The following MIA2 variants were observed in gnomAD, a reference collection of about 807,000 sequenced individuals.
MIA2 encodes melanoma inhibitory activity protein 2.
In MIA2, 127 loss-of-function variants were observed where a neutral mutation model predicts 167.8. The observed-to-expected ratio is 0.76, with a 90% CI of 0.66 to 0.88. The LOEUF (loss-of-function observed/expected upper bound fraction) is 0.88. MIA2 is among the 40% of genes least tolerant of loss of function. The pLI is 0.00. For synonymous variants in MIA2, 552 were observed against 541.9 expected (o/e 1.02, Z -0.26); for missense variants, 1,690 against 1,624.7 (o/e 1.04, Z -0.69).
intron 6 of MIA2, chr14:39,265,981 C>G (rs771993929): frequency 1.5e-5 from 15 of 985,384 alleles, no homozygotes; most frequent in Non-Finnish European, 1.8e-5. Flanking sequence ...GGAGAAATAG[C>G]AATCTTGAGT....
intron 23 of MIA2, among the ~76,000 whole-genome samples, chr14:39,363,796 C>T (rs1462733921): frequency 4.6e-5 from 7 of 152,138 alleles, no homozygotes; most frequent in African/African-American, 1.7e-4. Context: ...CTGTGTTTGA[C>T]TTAAAGTCTG....
intron 9 of MIA2, among the ~76,000 whole-genome samples, chr14:39,282,726 A>G (rs2059123686): frequency 6.6e-6 from 1 of 152,116 alleles, no homozygotes; most frequent in Non-Finnish European, 1.5e-5. Flanking sequence ...GGCACATGAT[A>G]CATGCTTGCC....
At chr14:39,386,428 A>G in intron 23 of MIA2, 4 of 1,552,808 alleles carry the variant, frequency 2.6e-6, no homozygotes, top group Non-Finnish European at 3.6e-6. Context: ...GGCTGTTTCT[A>G]GCAGAACCTT....
At chr14:39,325,974 A>T (rs2067467193) in intron 24 of MIA2, among the ~76,000 whole-genome samples, 1 of 152,158 alleles carries the variant, frequency 6.6e-6, no homozygotes, top group African/African-American at 2.4e-5. Context: ...TCGACCTCCC[A>T]AAGTGCTGGG....
chr14:39,354,673 C>G (rs926043197), downstream of MIA2, among the ~76,000 whole-genome samples: 10 of 152,078 alleles, frequency 6.6e-5, no homozygotes, highest in Non-Finnish European at 7.4e-5. Context: ...AGGTTTTCTT[C>G]TAGGGTTTTT....
downstream of MIA2, among the ~76,000 whole-genome samples, chr14:39,351,901 C>G (rs976557607): frequency 2.0e-5 from 3 of 152,188 alleles, no homozygotes; most frequent in Non-Finnish European, 4.4e-5. Flanking sequence ...GCCACCGCGC[C>G]TGGCCAGTTT....
chr14:39,271,274 T>C (rs2057096474), intron 6 of MIA2, among the ~76,000 whole-genome samples: 2 of 152,198 alleles, frequency 1.3e-5, no homozygotes, highest in Admixed American at 6.5e-5. Context: ...TACCATAAAT[T>C]TAAGGGTTTA....
At chr14:39,383,276 G>T (rs2075205372) in intron 23 of MIA2, among the ~76,000 whole-genome samples, 1 of 152,010 alleles carries the variant, frequency 6.6e-6, no homozygotes, top group South Asian at 2.1e-4. Context: ...TGACACTTTG[G>T]TAACTCTCAT....
intron 18 of MIA2, among the ~76,000 whole-genome samples, chr14:39,308,971 TC>T (rs1402185735): frequency 6.6e-5 from 10 of 152,334 alleles, no homozygotes; most frequent in South Asian, 4.1e-4. Flanking sequence ...GCCCAGGTGT[TC>T]CTTGGCTTAG....
chr14:39,379,557 A>AATGAGAAGGAT, intron 23 of MIA2, among the ~76,000 whole-genome samples: 1 of 152,112 alleles, frequency 6.6e-6, no homozygotes, highest in East Asian at 1.9e-4. Flanking sequence ...ACATTTAGAT[A>AATGAGAAGGAT]ACTTGCAAGC....
chr14:39,349,530 G>C (rs141114097), intron 28 of MIA2, among the ~76,000 whole-genome samples: 2 of 152,240 alleles, frequency 1.3e-5, no homozygotes, highest in Admixed American at 6.5e-5. Flanking sequence ...TGAACTATAG[G>C]GTTCTGCAGA....
intron 18 of MIA2, among the ~76,000 whole-genome samples, chr14:39,311,264 A>G (rs1352009290): frequency 1.7e-5 from 2 of 115,890 alleles, no homozygotes; most frequent in African/African-American, 5.9e-5. Flanking sequence ...AATTCAATGA[A>G]TTATGCCATT....
chr14:39,343,315 T>G (rs1161287432), intron 25 of MIA2, among the ~76,000 whole-genome samples: 2 of 152,074 alleles, frequency 1.3e-5, no homozygotes, highest in Non-Finnish European at 2.9e-5. Flanking sequence ...TGGCTAATTT[T>G]TTTGTGTTTT....
intron 3 of MIA2, 125 bp downstream of exon 3, chr14:39,240,772 G>T: frequency 1.7e-6 from 1 of 583,556 alleles, no homozygotes; most frequent in Non-Finnish European, 3.0e-6. Context: ...GTTGGCCTGA[G>T]AACTTACTCT....
chr14:39,247,751 G>A lies in MIA2; in HGVS notation c.1177G>A (p.Asp393Asn). 1 of 1,613,482 alleles carries A rather than the reference G, an allele frequency of 6.2e-7. No homozygotes were observed. The highest frequency in any genetic ancestry group is 1.1e-5 in the South Asian group (1 of 90,862). The change falls in exon 4 of 29, where the codon GAT becomes AAT. Residue 393 changes from aspartate to asparagine, a missense_variant. By Grantham distance (23) the Asp-to-Asn change is conservative. Transcript: ENST00000640607. ...AILGFAYAKEDKIMLDDRKNE... is the reference protein window; with the variant it reads ...AILGFAYAKENKIMLDDRKNE... ...ACTAGGCTTTGCATATGCCAAGGAA[G>A]ATAAAATTATGTTAGATGACAGGAA...
At chr14:39,383,506 A>G (rs898046306) in intron 23 of MIA2, among the ~76,000 whole-genome samples, 2 of 152,138 alleles carry the variant, frequency 1.3e-5, no homozygotes, top group Admixed American at 6.5e-5. Context: ...TAGGCCTATG[A>G]CTAACCCTAC....
At chr14:39,387,889 G>T (rs2075293575) in exon 24 of MIA2, 1 of 151,896 alleles carries the variant, frequency 6.6e-6, no homozygotes, top group Non-Finnish European at 1.5e-5. Flanking sequence ...TGAAGGCTCA[G>T]ATTATTATTA....
At chr14:39,344,699 C>T (rs923182818) in intron 25 of MIA2, among the ~76,000 whole-genome samples, 15 of 152,116 alleles carry the variant, frequency 9.9e-5, no homozygotes, top group East Asian at 5.8e-4. Context: ...GGGTTGTTTA[C>T]GTATATCTGT....
At chr14:39,364,729 T>TTTTTG (rs909257698) in intron 23 of MIA2, among the ~76,000 whole-genome samples, 9 of 145,872 alleles carry the variant, frequency 6.2e-5, no homozygotes, top group East Asian at 3.9e-4. Context: ...TTTTGTTTTG[T>TTTTTG]TTTTGTTTTG....
Sources: gnomAD v4.1 joint callset for allele counts (sites outside exome capture counted in the v4.1 genomes callset) on GRCh38, gnomAD v4.1.1 for gene constraint, MANE v1.5 for transcripts, NCBI Gene and HGNC (gene_info 2026-07-23, HGNC 2026-07-21) for gene names.